The following ENOX1 variants were observed in gnomAD, a reference collection of about 807,000 sequenced individuals.
ENOX1 encodes candidate growth-related and time keeping constitutive hydroquinone (NADH) oxidase.
A neutral mutation model predicts 82.5 loss-of-function variants in ENOX1; 42 were observed. That is an observed-to-expected ratio of 0.51 (90% CI 0.40 to 0.66). ENOX1 has a LOEUF of 0.66. Ranked by LOEUF, ENOX1 falls within the 30% of genes least tolerant of loss-of-function variation. The probability of loss-of-function intolerance (pLI) is 0.00; values close to 1 mark genes in which losing one functional copy is unlikely to be tolerated. For missense variants in ENOX1, 608 were observed against 811.6 expected (o/e 0.75, Z 3.05); for synonymous variants, 271 against 282.2 (o/e 0.96, Z 0.40).
intron 2 of ENOX1, among the ~76,000 whole-genome samples, chr13:43,606,820 G>C (rs956571234): frequency 6.6e-6 from 1 of 152,062 alleles, no homozygotes; most frequent in African/African-American, 2.4e-5. Flanking sequence ...TTCGAGACCA[G>C]CCTGGGCCAC....
At chr13:43,247,987 G>A (rs1463982004) in intron 14 of ENOX1, among the ~76,000 whole-genome samples, 3 of 139,016 alleles carry the variant, frequency 2.2e-5, no homozygotes, top group Admixed American at 1.4e-4. Flanking sequence ...CCGGGTTCAC[G>A]CCATTCTCCT....
Position 43,344,538 on chromosome 13 carries a change from A to G in ENOX1, c.1036T>C (p.Phe346Leu), listed in dbSNP as rs2049260988. 8 of 1,613,018 alleles carry G rather than the reference A, an allele frequency of 5.0e-6. No individual in the cohort carries two copies. The highest frequency in any genetic ancestry group is 2.7e-5 in the African/African-American group (2 of 74,878). ...KNALTGILTQ[F>L]EQIVAVFNAS... ...AGATGGCCCCCAAAATTTTACTTAC[A>G]TTGAGTGAGAATCCCAGTTAAGGCA... is the stretch of plus-strand genomic sequence containing the variant. Residue 346 changes from phenylalanine to leucine, a missense_variant and splice_region_variant, in exon 9 of 17, where the codon TTT becomes CTT. Physicochemically the swap from Phe to Leu is conservative, Grantham distance 22. Coordinates refer to ENST00000690772, the MANE Select transcript of ENOX1 (RefSeq NM_001347969.2).
intron 12 of ENOX1, among the ~76,000 whole-genome samples, chr13:43,295,272 A>G (rs531570065): frequency 6.6e-6 from 1 of 152,322 alleles, no homozygotes; most frequent in South Asian, 2.1e-4. Flanking sequence ...TGCCAGTTTA[A>G]GATCAGGTAA....
chr13:43,368,353 T>C (rs1350780487), intron 5 of ENOX1, among the ~76,000 whole-genome samples: 3 of 152,236 alleles, frequency 2.0e-5, no homozygotes, highest in Non-Finnish European at 4.4e-5. Context: ...TTTGTGTCCA[T>C]GTTTGAAAAT....
At chr13:43,519,776 C>T (rs528528503) in intron 2 of ENOX1, among the ~76,000 whole-genome samples, 15 of 152,242 alleles carry the variant, frequency 9.9e-5, no homozygotes, top group African/African-American at 3.6e-4. Flanking sequence ...TCTGACTTAC[C>T]CCGTGAAGCC....
intron 2 of ENOX1, among the ~76,000 whole-genome samples, chr13:43,541,325 C>T (rs1396747991): frequency 6.6e-6 from 1 of 151,614 alleles, no homozygotes; most frequent in South Asian, 2.1e-4. Context: ...ACAGTGAGAC[C>T]TCATCTCTAC....
chr13:43,754,062 A>C (rs1198243228), intron 1 of ENOX1, among the ~76,000 whole-genome samples: 1 of 147,452 alleles, frequency 6.8e-6, no homozygotes, highest in Non-Finnish European at 1.5e-5. Flanking sequence ...ATATATACAT[A>C]TATACGTATA....
chr13:43,364,118 G>C (rs1035851762), intron 5 of ENOX1, among the ~76,000 whole-genome samples: 4 of 152,166 alleles, frequency 2.6e-5, no homozygotes, highest in African/African-American at 9.7e-5. Flanking sequence ...TATATGTAAA[G>C]ATGGAAATTG....
chr13:43,595,299 C>T (rs1033651705), intron 2 of ENOX1, among the ~76,000 whole-genome samples: 4 of 152,014 alleles, frequency 2.6e-5, no homozygotes, highest in African/African-American at 9.7e-5. Flanking sequence ...TTGGTGTCTC[C>T]TGTTTTCTTC....
intron 8 of ENOX1, among the ~76,000 whole-genome samples, chr13:43,350,855 G>A (rs1010343169): frequency 2.6e-5 from 4 of 152,184 alleles, no homozygotes; most frequent in Non-Finnish European, 4.4e-5. Flanking sequence ...ACTTAGGTGG[G>A]CTATAGTATC....
chr13:43,249,460 T>C (rs1244739467), intron 14 of ENOX1, among the ~76,000 whole-genome samples: 1 of 152,216 alleles, frequency 6.6e-6, no homozygotes, highest in Non-Finnish European at 1.5e-5. Context: ...TTTTTAAAAA[T>C]GTATGTATGT....
At chr13:43,314,899 C>T (rs987442591) in intron 11 of ENOX1, among the ~76,000 whole-genome samples, 3 of 152,196 alleles carry the variant, frequency 2.0e-5, no homozygotes, top group Non-Finnish European at 4.4e-5. Flanking sequence ...ATTTTAGCTT[C>T]ATCTCTCAAA....
At chr13:43,733,757 C>G (rs925291071) in intron 1 of ENOX1, among the ~76,000 whole-genome samples, 18 of 152,244 alleles carry the variant, frequency 1.2e-4, no homozygotes, top group African/African-American at 3.9e-4. Context: ...GTCCTAACAT[C>G]CAGTACCTGT....
At chr13:43,358,421 T>C (rs371943759) in intron 7 of ENOX1, among the ~76,000 whole-genome samples, 2 of 122,450 alleles carry the variant, frequency 1.6e-5, no homozygotes, top group East Asian at 4.7e-4. Flanking sequence ...TTCATATACA[T>C]GAGGGTTCTG....
chr13:43,249,113 C>CT (rs1460032346), intron 14 of ENOX1, among the ~76,000 whole-genome samples: 1 of 152,110 alleles, frequency 6.6e-6, no homozygotes, highest in South Asian at 2.1e-4. Context: ...AAATGACTTT[C>CT]TTTTGGTCTA....
intron 14 of ENOX1, among the ~76,000 whole-genome samples, chr13:43,250,459 G>A (rs1179002037): frequency 6.6e-6 from 1 of 152,222 alleles, no homozygotes; most frequent in Non-Finnish European, 1.5e-5. Flanking sequence ...GACTTGGATG[G>A]ACCTTGTTAG....
At chr13:43,495,980 T>C (rs2153664735) in intron 2 of ENOX1, among the ~76,000 whole-genome samples, 1 of 152,336 alleles carries the variant, frequency 6.6e-6, no homozygotes, top group African/African-American at 2.4e-5. Flanking sequence ...GTGAAGGTTC[T>C]GTTTAAGTAA....
chr13:43,729,980 T>A (rs1450832728), intron 1 of ENOX1, among the ~76,000 whole-genome samples: 1 of 152,200 alleles, frequency 6.6e-6, no homozygotes, highest in Non-Finnish European at 1.5e-5. Flanking sequence ...AACTTCCCAT[T>A]CATTTCTGGG....
At chr13:43,556,725 A>G (rs922030116) in intron 2 of ENOX1, among the ~76,000 whole-genome samples, 2 of 131,310 alleles carry the variant, frequency 1.5e-5, no homozygotes, top group African/African-American at 3.4e-5. Context: ...TTCTATTCTC[A>G]AAAAAAAAAA....
Sources: allele counts gnomAD v4.1 joint callset (sites outside exome capture counted in the v4.1 genomes callset), GRCh38; gene constraint gnomAD v4.1.1; transcripts MANE v1.5; gene names NCBI Gene and HGNC (gene_info 2026-07-23, HGNC 2026-07-21).